The following PTPRD variants were observed in gnomAD, a reference collection of about 807,000 sequenced individuals.
The protein encoded by PTPRD is receptor-type tyrosine-protein phosphatase delta.
In PTPRD, 34 loss-of-function variants were observed where a neutral mutation model predicts 214.5. The observed-to-expected ratio is 0.16, with a 90% CI of 0.12 to 0.21. PTPRD has a LOEUF of 0.21. Ranked by LOEUF, PTPRD falls within the 10% of genes least tolerant of loss-of-function variation. The pLI is 1.00. For synonymous variants in PTPRD, 1,128 were observed against 845.7 expected, an observed-to-expected ratio of 1.33 and a Z score of -5.79; for missense variants, 2,545 against 2,398.7, an observed-to-expected ratio of 1.06 and a Z score of -1.27.
intron 5 of PTPRD, among the ~76,000 whole-genome samples, chr9:9,930,522 C>T (rs2086113101): frequency 6.6e-6 from 1 of 152,030 alleles, no homozygotes; most frequent in South Asian, 2.1e-4. Context: ...GTCACTCAAA[C>T]TGGATAAAGA....
intron 34 of PTPRD, among the ~76,000 whole-genome samples, chr9:8,439,053 A>G (rs2095454066): frequency 6.6e-6 from 1 of 152,208 alleles, no homozygotes; most frequent in Non-Finnish European, 1.5e-5. Context: ...GCAAGATATC[A>G]CAGCATTAAA....
At chr9:9,707,637 G>A (rs1018373802) in intron 7 of PTPRD, among the ~76,000 whole-genome samples, 1 of 152,008 alleles carries the variant, frequency 6.6e-6, no homozygotes, top group Non-Finnish European at 1.5e-5. Flanking sequence ...AAATAGTTTT[G>A]CCTATGAATT....
intron 14 of PTPRD, among the ~76,000 whole-genome samples, chr9:8,621,922 G>A (rs184689428): frequency 6.6e-6 from 1 of 151,718 alleles, no homozygotes; most frequent in East Asian, 1.9e-4. Flanking sequence ...ATATGCTAAT[G>A]GCCTTTCCTC....
At chr9:8,819,981 C>G (rs2890829) in intron 11 of PTPRD, among the ~76,000 whole-genome samples, 106,481 of 151,950 alleles carry the variant, frequency 0.7, 37,668 homozygotes, top group African/African-American at 0.79. Context: ...CTTGTTTCAA[C>G]ATTCTTAAAG....
chr9:9,694,938 G>A (rs1217555598), intron 7 of PTPRD, among the ~76,000 whole-genome samples: 1 of 152,152 alleles, frequency 6.6e-6, no homozygotes. Context: ...CCAAGAGCCT[G>A]CTTGTTGCTC....
intron 3 of PTPRD, among the ~76,000 whole-genome samples, chr9:10,309,007 T>C (rs1410750067): frequency 6.6e-6 from 1 of 152,056 alleles, no homozygotes; most frequent in African/African-American, 2.4e-5. Context: ...GTCTAAGATA[T>C]ATACTTTATT....
intron 3 of PTPRD, among the ~76,000 whole-genome samples, chr9:10,106,738 T>C (rs1389857400): frequency 1.3e-5 from 2 of 151,936 alleles, no homozygotes; most frequent in Non-Finnish European, 2.9e-5. Context: ...TTTCTCTTTC[T>C]TTTTTAAATA....
intron 11 of PTPRD, among the ~76,000 whole-genome samples, chr9:8,773,282 C>G (rs2095314761): frequency 6.6e-6 from 1 of 152,152 alleles, no homozygotes; most frequent in Non-Finnish European, 1.5e-5. Context: ...GCTATCTGTC[C>G]TGGTACTATG....
At chr9:8,347,472 A>G (rs4740941) in intron 39 of PTPRD, among the ~76,000 whole-genome samples, 75,386 of 151,978 alleles carry the variant, frequency 0.5, 21,507 homozygotes, top group Non-Finnish European at 0.65. Context: ...GGAATCTGAC[A>G]TTAAATAATC....
chr9:9,255,971 A>G (rs1003872744), intron 9 of PTPRD, among the ~76,000 whole-genome samples: 9 of 152,058 alleles, frequency 5.9e-5, no homozygotes, highest in Non-Finnish European at 8.8e-5. Flanking sequence ...TTTTTGGATT[A>G]CAGGGCTTGA....
chr9:9,947,871 A>G (rs766066203), intron 4 of PTPRD, among the ~76,000 whole-genome samples: 2 of 151,058 alleles, frequency 1.3e-5, no homozygotes, highest in African/African-American at 4.9e-5. Flanking sequence ...GACAGTGAAT[A>G]TATCTATTTT....
intron 10 of PTPRD, among the ~76,000 whole-genome samples, chr9:9,154,915 T>A (rs537520960): frequency 2.1e-4 from 32 of 152,340 alleles, no homozygotes; most frequent in Admixed American, 1.9e-3. Flanking sequence ...GTTGAATGCA[T>A]GTAATTACTT....
chr9:10,491,613 G>A (rs1464202485), intron 2 of PTPRD, among the ~76,000 whole-genome samples: 1 of 151,266 alleles, frequency 6.6e-6, no homozygotes, highest in Non-Finnish European at 1.5e-5. Flanking sequence ...TTTACAACTA[G>A]ATAAAAAAAA....
chr9:9,789,785 A>G (rs2098953541), intron 5 of PTPRD, among the ~76,000 whole-genome samples: 1 of 64,314 alleles, frequency 1.6e-5, no homozygotes, highest in African/African-American at 7.0e-5. Context: ...CAACAGAGCC[A>G]AACTCTGTCT....
chr9:8,568,535 C>G (rs550378065), intron 14 of PTPRD, among the ~76,000 whole-genome samples: 1 of 152,096 alleles, frequency 6.6e-6, no homozygotes, highest in South Asian at 2.1e-4. Context: ...GATTATTAAC[C>G]TTCGGTAAAA....
intron 44 of PTPRD, among the ~76,000 whole-genome samples, chr9:8,324,328 C>A (rs1439096492): frequency 2.0e-5 from 3 of 152,098 alleles, no homozygotes; most frequent in African/African-American, 7.2e-5. Context: ...TCCACTCCCA[C>A]TTATAAGTGA....
intron 8 of PTPRD, among the ~76,000 whole-genome samples, chr9:9,426,745 C>T (rs1331243855): frequency 6.6e-6 from 1 of 152,118 alleles, no homozygotes; most frequent in Non-Finnish European, 1.5e-5. Flanking sequence ...ATTTGCCGTT[C>T]TGCAATATTC....
intron 8 of PTPRD, among the ~76,000 whole-genome samples, chr9:9,550,117 G>A (rs768126525): frequency 2.0e-5 from 3 of 151,814 alleles, no homozygotes; most frequent in Admixed American, 1.3e-4. Context: ...TAACATGAAT[G>A]GAATTCATCT....
intron 3 of PTPRD, among the ~76,000 whole-genome samples, chr9:10,102,362 A>C (rs936057790): frequency 2.0e-5 from 3 of 151,596 alleles, no homozygotes; most frequent in Admixed American, 1.3e-4. Flanking sequence ...GTAAACAAAA[A>C]TCAGGTACAG....
Sources: allele counts gnomAD v4.1 joint callset (sites outside exome capture counted in the v4.1 genomes callset), GRCh38; gene constraint gnomAD v4.1.1; transcripts MANE v1.5; gene names NCBI Gene and HGNC (gene_info 2026-07-23, HGNC 2026-07-21).